Variants in ST13 observed in about 807,000 individuals in gnomAD.
ST13 encodes the protein hsc70-interacting protein.
Under a neutral mutation model 56.7 loss-of-function variants are expected in ST13, and 23 were observed. That is an observed-to-expected ratio of 0.41 (90% CI 0.29 to 0.57). The LOEUF (loss-of-function observed/expected upper bound fraction) is 0.57. Ranked by LOEUF, ST13 falls within the 20% of genes least tolerant of loss-of-function variation. ST13 has a pLI of 0.36. For missense variants in ST13, 369 were observed against 459.9 expected (o/e 0.80, Z 1.81); for synonymous variants, 132 against 142.4 (o/e 0.93, Z 0.52).
chr22:40,838,368 A>G (rs2057787243), intron 5 of ST13, among the ~76,000 whole-genome samples: 1 of 152,246 alleles, frequency 6.6e-6, no homozygotes, highest in Non-Finnish European at 1.5e-5. Context: ...TTAAATTTAC[A>G]AAGGCACATG....
At chr22:40,829,977 T>C (rs2057746643) in intron 9 of ST13, among the ~76,000 whole-genome samples, 1 of 152,202 alleles carries the variant, frequency 6.6e-6, no homozygotes, top group Admixed American at 6.5e-5. Context: ...AAAACACCCA[T>C]AGGGAAGGAC....
intron 4 of ST13, among the ~76,000 whole-genome samples, chr22:40,842,566 T>A (rs980008435): frequency 6.4e-4 from 97 of 152,098 alleles, no homozygotes; most frequent in African/African-American, 2.3e-3. Context: ...CAGAGAGTGA[T>A]AAAGAAATGA....
intron 7 of ST13, among the ~76,000 whole-genome samples, chr22:40,832,954 T>C (rs956718821): frequency 2.6e-5 from 4 of 152,256 alleles, no homozygotes; most frequent in South Asian, 2.1e-4. Flanking sequence ...TCTAAGTATG[T>C]AGACCAGTAA....
chr22:40,845,583 T>G (rs753563702), intron 3 of ST13, among the ~76,000 whole-genome samples: 20 of 152,140 alleles, frequency 1.3e-4, no homozygotes, highest in Admixed American at 1.0e-3. Context: ...AGTTTCCATA[T>G]GTACAGTAGT....
At chr22:40,847,094 A>G (rs1196169486) in intron 3 of ST13, among the ~76,000 whole-genome samples, 1 of 152,228 alleles carries the variant, frequency 6.6e-6, no homozygotes, top group South Asian at 2.1e-4. Context: ...AGACTTCCAA[A>G]TTCATGAAGA....
At chr22:40,851,777 GCT>G (rs549437229) in intron 1 of ST13, among the ~76,000 whole-genome samples, 2,405 of 143,150 alleles carry the variant, frequency 0.017, 19 homozygotes, top group Non-Finnish European at 0.027. Flanking sequence ...ATGGAGTCTT[GCT>G]CTGTCACCCA....
At chr22:40,832,992 CAT>C (rs1352723668) in intron 7 of ST13, among the ~76,000 whole-genome samples, 1 of 152,150 alleles carries the variant, frequency 6.6e-6, no homozygotes, top group Non-Finnish European at 1.5e-5. Context: ...CCAGGACTAA[CAT>C]AATGTGTTAG....
At chr22:40,840,560 C>CTGCAATAAATATTTG (rs957233954) in intron 5 of ST13, 66 bp downstream of exon 5, 1 of 1,393,674 alleles carries the variant, frequency 7.2e-7, no homozygotes, top group Non-Finnish European at 1.0e-6. Flanking sequence ...TTCTACTTTA[C>CTGCAATAAATATTTG]CACTATTTAA....
intron 1 of ST13, among the ~76,000 whole-genome samples, chr22:40,853,977 G>A (rs1013657003): frequency 1.1e-4 from 17 of 152,192 alleles, no homozygotes; most frequent in Non-Finnish European, 2.1e-4. Flanking sequence ...CTGACAACTA[G>A]TTCAGAAAGA....
At chr22:40,851,933 C>T (rs573407034) in intron 1 of ST13, among the ~76,000 whole-genome samples, 2 of 152,120 alleles carry the variant, frequency 1.3e-5, no homozygotes, top group African/African-American at 2.4e-5. Flanking sequence ...TTAGTAGAGA[C>T]AGGGTTTCAC....
intron 8 of ST13, chr22:40,832,337 G>A: frequency 1.9e-6 from 1 of 529,448 alleles, no homozygotes; most frequent in Non-Finnish European, 3.5e-6. Context: ...TAATTCCACT[G>A]CAGGCTTCCA....
At chr22:40,829,738 G>T in intron 9 of ST13, 64 bp from the exon 10 acceptor site, 1 of 857,318 alleles carries the variant, frequency 1.2e-6, no homozygotes, top group Non-Finnish European at 1.7e-6. Context: ...CATGCAACCT[G>T]TCCATGCAAG....
At chr22:40,838,796 T>C (rs1267165259) in intron 5 of ST13, among the ~76,000 whole-genome samples, 2 of 151,938 alleles carry the variant, frequency 1.3e-5, no homozygotes, top group African/African-American at 4.8e-5. Context: ...AGCAAAAGTT[T>C]CGTGCGATGA....
chr22:40,849,503 A>T (rs2057850320), intron 2 of ST13, among the ~76,000 whole-genome samples: 1 of 149,654 alleles, frequency 6.7e-6, no homozygotes, highest in East Asian at 2.0e-4. Flanking sequence ...AAAAAAAAAA[A>T]ATTAGAACCA....
At chr22:40,838,612 AAG>A (rs1303383761) in intron 5 of ST13, among the ~76,000 whole-genome samples, 5 of 152,022 alleles carry the variant, frequency 3.3e-5, no homozygotes, top group Non-Finnish European at 1.5e-5. Flanking sequence ...AAAAAAAAAA[AAG>A]AGATAATAAT....
intron 5 of ST13, among the ~76,000 whole-genome samples, chr22:40,839,985 A>G (rs2145740502): frequency 6.6e-6 from 1 of 150,620 alleles, no homozygotes; most frequent in Non-Finnish European, 1.5e-5. Flanking sequence ...CCCTTCTCTA[A>G]TAAAAATACA....
intron 4 of ST13, 137 bp from the exon 5 acceptor site, chr22:40,840,829 C>T: frequency 1.5e-6 from 1 of 677,428 alleles, no homozygotes; most frequent in Non-Finnish European, 2.5e-6. Flanking sequence ...AACAAAGAGA[C>T]AATTATGATA....
At position 40,839,881 on chromosome 22, in the gene ST13, T is replaced by C. The variant is rs530547145; in HGVS notation, c.382+745A>G. On this transcript the variant is annotated intron_variant, in intron 5 of 11. Transcript: ENST00000216218. The stretch of plus-strand genomic sequence containing the variant: ...ATATAAAAAAAGAGGCTGGGCGCAG[T>C]GGTTCATGCCTGTTATCCCAGCACT... Among the ~76,000 whole-genome samples the C allele has an allele frequency of 1.4e-3, 211 of 152,188 alleles. 1 individual carries two copies. The highest frequency in any genetic ancestry group is 2.8e-3 in the Admixed American group (43 of 15,282).
intron 10 of ST13, among the ~76,000 whole-genome samples, chr22:40,828,860 T>G (rs1450253794): frequency 6.6e-6 from 1 of 152,164 alleles, no homozygotes; most frequent in Non-Finnish European, 1.5e-5. Context: ...AATTAGTGCC[T>G]ACCCGTAACG....
Sources: gnomAD v4.1 joint callset for allele counts (sites outside exome capture counted in the v4.1 genomes callset) on GRCh38, gnomAD v4.1.1 for gene constraint, MANE v1.5 for transcripts, NCBI Gene and HGNC (gene_info 2026-07-23, HGNC 2026-07-21) for gene names.